Variants in ZBBX observed in about 807,000 individuals in gnomAD.
ZBBX encodes zinc finger B-box domain-containing protein 1.
Under a neutral mutation model 108.5 loss-of-function variants are expected in ZBBX, and 101 were observed. The observed-to-expected ratio is 0.93, with a 90% confidence interval of 0.79 to 1.10. The LOEUF is 1.10. Among genes scored for constraint, ZBBX ranks in the 50% least tolerant of loss-of-function variants. The pLI, the probability that ZBBX is intolerant of heterozygous loss-of-function variation, is 0.00. For synonymous variants in ZBBX, 356 were observed against 323.4 expected, an observed-to-expected ratio of 1.10 and a Z score of -1.08; for missense variants, 1,009 against 941.4, an observed-to-expected ratio of 1.07 and a Z score of -0.94.
the ZBBX span, among the ~76,000 whole-genome samples, chr3:167,208,608 C>T: frequency 1.3e-5 from 2 of 152,174 alleles, no homozygotes; most frequent in Non-Finnish European, 2.9e-5. Context: ...TGAGTCCTGG[C>T]AGCACCACCT....
the ZBBX span, among the ~76,000 whole-genome samples, chr3:167,220,986 T>C: frequency 7.3e-5 from 11 of 151,722 alleles, no homozygotes; most frequent in African/African-American, 2.7e-4. Context: ...ATAAAATACC[T>C]AGGAATTAAC....
At chr3:167,360,193 A>G (rs1346985266) in intron 7 of ZBBX, among the ~76,000 whole-genome samples, 1 of 148,778 alleles carries the variant, frequency 6.7e-6, no homozygotes, top group African/African-American at 2.4e-5. Context: ...CTACCAAACT[A>G]TATTAATCAT....
the ZBBX span, among the ~76,000 whole-genome samples, chr3:167,219,099 A>G: frequency 6.6e-6 from 1 of 152,088 alleles, no homozygotes; most frequent in African/African-American, 2.4e-5. Context: ...AACAAGTTTA[A>G]TATGTTCACA....
At chr3:167,322,490 A>T (rs1406994902) in intron 11 of ZBBX, among the ~76,000 whole-genome samples, 1 of 152,038 alleles carries the variant, frequency 6.6e-6, no homozygotes, top group Non-Finnish European at 1.5e-5. Flanking sequence ...TTGTTAAAGC[A>T]ACTCATTCTT....
At chr3:167,222,790 G>T in the ZBBX span, among the ~76,000 whole-genome samples, 1 of 151,914 alleles carries the variant, frequency 6.6e-6, no homozygotes, top group Admixed American at 6.6e-5. Context: ...AGGCTGACAA[G>T]GGTGTGTTTT....
intron 9 of ZBBX, among the ~76,000 whole-genome samples, chr3:167,341,156 T>C (rs1740472616): frequency 6.6e-6 from 1 of 151,924 alleles, no homozygotes; most frequent in Non-Finnish European, 1.5e-5. Flanking sequence ...GATTTCTATC[T>C]GGTTTTATTA....
intron 20 of ZBBX, among the ~76,000 whole-genome samples, chr3:167,245,108 C>T (rs1215588917): frequency 2.0e-5 from 3 of 152,138 alleles, no homozygotes; most frequent in African/African-American, 7.2e-5. Flanking sequence ...TACATATCTA[C>T]ATCCTAATAT....
intron 2 of ZBBX, among the ~76,000 whole-genome samples, chr3:167,377,173 T>G (rs1027290689): frequency 6.6e-6 from 1 of 152,156 alleles, no homozygotes; most frequent in African/African-American, 2.4e-5. Context: ...TTGTCCATGA[T>G]GGTTTGATGA....
intron 9 of ZBBX, among the ~76,000 whole-genome samples, chr3:167,342,153 T>C (rs1740643634): frequency 6.6e-6 from 1 of 151,840 alleles, no homozygotes; most frequent in South Asian, 2.1e-4. Flanking sequence ...TGCTGTTATA[T>C]GACAATTAGA....
intron 1 of ZBBX, among the ~76,000 whole-genome samples, chr3:167,403,124 T>C (rs1254576764): frequency 6.6e-6 from 1 of 152,094 alleles, no homozygotes; most frequent in Non-Finnish European, 1.5e-5. Context: ...AGTAAATTTA[T>C]GCAAAATGCA....
chr3:167,271,861 C>T (rs1432352430), intron 20 of ZBBX, among the ~76,000 whole-genome samples: 1 of 152,160 alleles, frequency 6.6e-6, no homozygotes, highest in Non-Finnish European at 1.5e-5. Context: ...GAAGCTATTC[C>T]CTTTTCAAAT....
chr3:167,352,880 A>G (rs1188931466), intron 8 of ZBBX, among the ~76,000 whole-genome samples: 8 of 152,118 alleles, frequency 5.3e-5, no homozygotes, highest in Non-Finnish European at 1.0e-4. Context: ...AAACTATATC[A>G]TATCTCATTA....
In ZBBX at chr3:167,322,237, T is replaced by A; in HGVS notation, c.863A>T (p.Asp288Val). The change falls in exon 12 of 22, where the codon GAC becomes GTC. Residue 288 changes from aspartate to valine, a missense_variant and splice_region_variant. Transcript: ENST00000675490. ...KKQNLHAAVK[D>V]SLEECEVQTN... ...CTGTACTTCGCATTCTTCCAATGAGTCTGTAAAAATAAACACAATGTGCAT... is the reference window on the plus strand; with the variant it reads ...CTGTACTTCGCATTCTTCCAATGAGACTGTAAAAATAAACACAATGTGCAT... 1 of 1,448,356 alleles carries A rather than the reference T, an allele frequency of 6.9e-7. No individual in the cohort carries two copies. Among genetic ancestry groups the A allele is most frequent in the Non-Finnish European group, 9.1e-7 (1 of 1,100,030 alleles). 89.7% of individuals were successfully genotyped at this position (1,448,356 alleles called of 1,614,324 possible). A position where few individuals can be genotyped will look rare whatever the true frequency, so the allele number is the denominator to read the frequency against.
At chr3:167,306,222 A>C (rs1733618666) in intron 16 of ZBBX, among the ~76,000 whole-genome samples, 1 of 152,166 alleles carries the variant, frequency 6.6e-6, no homozygotes, top group Admixed American at 6.5e-5. Context: ...AATTGATGCA[A>C]ATTTTTATTT....
At chr3:167,294,425 T>C (rs1731273450) in intron 18 of ZBBX, among the ~76,000 whole-genome samples, 1 of 152,084 alleles carries the variant, frequency 6.6e-6, no homozygotes, top group African/African-American at 2.4e-5. Context: ...TTGACAGACA[T>C]GGCAAAAACA....
chr3:167,266,254 C>T (rs1352300191), intron 20 of ZBBX, among the ~76,000 whole-genome samples: 1 of 152,108 alleles, frequency 6.6e-6, no homozygotes. Context: ...TATAAAGTTG[C>T]CAATATTCTA....
chr3:167,215,053 C>G, the ZBBX span, among the ~76,000 whole-genome samples: 1 of 151,972 alleles, frequency 6.6e-6, no homozygotes, highest in Non-Finnish European at 1.5e-5. Context: ...AATTTAACAA[C>G]CTAACTTCGC....
Position 167,350,423 on chromosome 3 carries a change from CAA to C in ZBBX, c.523_524del (p.Leu175AlafsTer22), listed in dbSNP as rs1412918296. 1.9e-6 allele frequency: 3 copies of C among 1,588,434 alleles called. No homozygotes were observed. Among genetic ancestry groups the C allele is most frequent in the African/African-American group, 2.7e-5 (2 of 74,456 alleles). On this transcript the variant is annotated frameshift_variant, in exon 9 of 22. Transcript: ENST00000675490. LOFTEE classifies it high-confidence loss of function. ...AAATCATTTTAGAAAGCCATACCTGCAAAAGAGTTGTTCTGTGGAGCTTTAGT... is the reference window on the plus strand; with the variant it reads ...AAATCATTTTAGAAAGCCATACCTGCAAGAGTTGTTCTGTGGAGCTTTAGT... ...GALKLHRTTLLQAKSQILFNV... is the reference protein window; with the variant it reads ...GALKLHRTTLXQAKSQILFNV...
intron 20 of ZBBX, among the ~76,000 whole-genome samples, chr3:167,251,374 C>A (rs542662722): frequency 6.8e-4 from 103 of 152,288 alleles, no homozygotes; most frequent in African/African-American, 2.4e-3. Flanking sequence ...CAAACTAAAA[C>A]GGCATCCTGT....
Sources: allele counts gnomAD v4.1 joint callset (sites outside exome capture counted in the v4.1 genomes callset), GRCh38; gene constraint gnomAD v4.1.1; transcripts MANE v1.5; gene names NCBI Gene and HGNC (gene_info 2026-07-23, HGNC 2026-07-21).